The following PIP5K1B variants were observed in gnomAD, a reference collection of about 807,000 sequenced individuals.
The protein encoded by PIP5K1B is phosphatidylinositol 4-phosphate 5-kinase type-1 beta.
In PIP5K1B, 42 loss-of-function variants were observed where a neutral mutation model predicts 67.0. That is an observed-to-expected ratio of 0.63 (90% CI 0.49 to 0.81). The LOEUF is 0.81. PIP5K1B is among the 30% of genes least tolerant of loss of function. PIP5K1B has a pLI of 0.00. For synonymous variants in PIP5K1B, 214 were observed against 231.4 expected, an observed-to-expected ratio of 0.92 and a Z score of 0.68; for missense variants, 459 against 646.3, an observed-to-expected ratio of 0.71 and a Z score of 3.14.
intron 15 of PIP5K1B, among the ~76,000 whole-genome samples, chr9:68,994,618 A>G (rs1181015962): frequency 2.0e-5 from 3 of 152,182 alleles, no homozygotes; most frequent in Non-Finnish European, 4.4e-5. Flanking sequence ...TAAAAAGGCA[A>G]ACAACATCTT....
At chr9:68,734,604 C>T (rs1219681845) in intron 1 of PIP5K1B, among the ~76,000 whole-genome samples, 1 of 152,178 alleles carries the variant, frequency 6.6e-6, no homozygotes, top group Non-Finnish European at 1.5e-5. Flanking sequence ...CTTATTTTTC[C>T]TCTAATGTGA....
chr9:68,721,337 T>C (rs1416265436), intron 1 of PIP5K1B, among the ~76,000 whole-genome samples: 1 of 152,048 alleles, frequency 6.6e-6, no homozygotes, highest in Admixed American at 6.5e-5. Flanking sequence ...GTAGTGTGGA[T>C]AGGGAAGAGT....
intron 14 of PIP5K1B, among the ~76,000 whole-genome samples, chr9:68,956,566 G>A (rs906987209): frequency 6.6e-6 from 1 of 152,208 alleles, no homozygotes; most frequent in African/African-American, 2.4e-5. Flanking sequence ...AAGAACACGA[G>A]TTAAATAGCA....
intron 2 of PIP5K1B, among the ~76,000 whole-genome samples, chr9:68,787,381 A>C (rs1189044755): frequency 6.6e-6 from 1 of 152,184 alleles, no homozygotes; most frequent in Non-Finnish European, 1.5e-5. Flanking sequence ...GAATTTAAGA[A>C]GTCTCCAGTC....
chr9:68,833,032 C>G (rs1564170466), intron 4 of PIP5K1B, among the ~76,000 whole-genome samples: 1 of 152,200 alleles, frequency 6.6e-6, no homozygotes, highest in Non-Finnish European at 1.5e-5. Context: ...CTCCAGTTGA[C>G]AAGTATTTAT....
intron 2 of PIP5K1B, among the ~76,000 whole-genome samples, chr9:68,806,942 G>GTTT (rs10550941): frequency 7.7e-6 from 1 of 130,492 alleles, no homozygotes. Flanking sequence ...TTTGGCCTTG[G>GTTT]TTTTTTTTTT....
intron 2 of PIP5K1B, among the ~76,000 whole-genome samples, chr9:68,778,799 G>T (rs753600306): frequency 6.6e-6 from 1 of 152,082 alleles, no homozygotes. Context: ...TAACACTCCC[G>T]CTCTTATGCT....
intron 4 of PIP5K1B, among the ~76,000 whole-genome samples, chr9:68,826,308 A>G (rs1225869815): frequency 1.3e-5 from 2 of 152,210 alleles, no homozygotes; most frequent in African/African-American, 4.8e-5. Context: ...CGAGGGGACC[A>G]TGGTAAACAG....
chr9:68,809,339 G>A (rs758360231), intron 2 of PIP5K1B, among the ~76,000 whole-genome samples: 7 of 148,284 alleles, frequency 4.7e-5, no homozygotes, highest in Non-Finnish European at 1.0e-4. Flanking sequence ...AAAATACCAC[G>A]CCTCTTTGTA....
chr9:68,828,794 C>T (rs762696569), intron 4 of PIP5K1B, among the ~76,000 whole-genome samples: 4 of 152,060 alleles, frequency 2.6e-5, no homozygotes, highest in African/African-American at 4.8e-5. Flanking sequence ...TTTCTATGGC[C>T]GAGCATGGTG....
intron 2 of PIP5K1B, among the ~76,000 whole-genome samples, chr9:68,770,234 C>T (rs1830612339): frequency 6.6e-6 from 1 of 152,230 alleles, no homozygotes; most frequent in African/African-American, 2.4e-5. Context: ...CTGTTTCAAG[C>T]TGGTATCCCA....
intron 15 of PIP5K1B, among the ~76,000 whole-genome samples, chr9:69,006,152 C>T (rs144111165): frequency 0.011 from 1,610 of 152,244 alleles, 28 homozygotes; most frequent in African/African-American, 0.034. Context: ...GGATTATAGA[C>T]GTGACCCATC....
intron 6 of PIP5K1B, among the ~76,000 whole-genome samples, chr9:68,879,884 T>C (rs1207528133): frequency 6.6e-6 from 1 of 152,202 alleles, no homozygotes; most frequent in Non-Finnish European, 1.5e-5. Flanking sequence ...GTAAATAATA[T>C]GTTAATTAGC....
intron 2 of PIP5K1B, among the ~76,000 whole-genome samples, chr9:68,777,293 C>G (rs1183750039): frequency 2.0e-5 from 3 of 152,310 alleles, no homozygotes; most frequent in Admixed American, 6.5e-5. Context: ...GTGCCAGGCC[C>G]TGTTCTAGAT....
At chr9:68,957,622 G>C (rs1009446669) in intron 14 of PIP5K1B, among the ~76,000 whole-genome samples, 1 of 152,204 alleles carries the variant, frequency 6.6e-6, no homozygotes, top group Admixed American at 6.5e-5. Flanking sequence ...TTGGCTGAAG[G>C]GGGTATGATC....
At chr9:68,865,289 C>A (rs1243876896) in intron 5 of PIP5K1B, among the ~76,000 whole-genome samples, 2 of 151,410 alleles carry the variant, frequency 1.3e-5, no homozygotes, top group African/African-American at 2.4e-5. Context: ...TTTTTAACAG[C>A]CTACCATTCC....
intron 14 of PIP5K1B, among the ~76,000 whole-genome samples, chr9:68,975,235 A>C (rs937732431): frequency 6.6e-6 from 1 of 151,968 alleles, no homozygotes; most frequent in Non-Finnish European, 1.5e-5. Context: ...TGCCCAGCTA[A>C]TGTTTATATT....
intron 1 of PIP5K1B, among the ~76,000 whole-genome samples, chr9:68,708,361 C>A (rs1470075920): frequency 6.6e-6 from 1 of 152,082 alleles, no homozygotes; most frequent in East Asian, 1.9e-4. Context: ...ACATAGAAAG[C>A]ATCTTACCAT....
rs557317303 is a variant in PIP5K1B at position 68,941,051 on chromosome 9, T to C, written c.1502+261T>C. 23 of 562,746 alleles carry C rather than the reference T, an allele frequency of 4.1e-5. No individual in the cohort carries two copies. The East Asian group carries it at 8.9e-4, about 22-fold the overall frequency. The allele number at this position is 562,746 out of a possible 1,614,324, so 34.9% of individuals were successfully genotyped here. A position where few individuals can be genotyped will look rare whatever the true frequency, so the allele number is the denominator to read the frequency against. On this transcript the variant is annotated intron_variant, in intron 14 of 15. Coordinates refer to ENST00000265382, the MANE Select transcript of PIP5K1B (RefSeq NM_003558.4). ...GGCTCAATGGAAGAAGACAAATCTT[T>C]CATCATTTTTATTTTAGTAAATTTT...
Sources: allele counts gnomAD v4.1 joint callset (sites outside exome capture counted in the v4.1 genomes callset), GRCh38; gene constraint gnomAD v4.1.1; transcripts MANE v1.5; gene names NCBI Gene and HGNC (gene_info 2026-07-23, HGNC 2026-07-21).